Variants in CNTN5 observed in about 807,000 individuals in gnomAD.
CNTN5 encodes the protein contactin 5, also known as contactin-5.
CNTN5 carries 77 observed loss-of-function variants against 129.1 expected under a neutral mutation model. The ratio of observed to expected loss-of-function variants is 0.60; its 90% confidence interval spans 0.50 to 0.72. The LOEUF (loss-of-function observed/expected upper bound fraction) is 0.72, where lower values mean the gene tolerates loss of function less well. Among genes scored for constraint, CNTN5 ranks in the 30% least tolerant of loss-of-function variants. The pLI is 0.00. For missense variants in CNTN5, 1,478 were observed against 1,328.8 expected (o/e 1.11, Z -1.75); for synonymous variants, 509 against 465.6 (o/e 1.09, Z -1.20).
chr11:99,346,075 A>G (rs576374353), intron 2 of CNTN5, among the ~76,000 whole-genome samples: 1 of 152,316 alleles, frequency 6.6e-6, no homozygotes, highest in African/African-American at 2.4e-5. Context: ...GTTTTTGTCC[A>G]TAGGCGTAAA....
At chr11:100,284,109 C>T (rs941871806) in intron 18 of CNTN5, among the ~76,000 whole-genome samples, 1 of 152,156 alleles carries the variant, frequency 6.6e-6, no homozygotes, top group African/African-American at 2.4e-5. Flanking sequence ...ATTTTCTCTT[C>T]TGTGTTGTGG....
At chr11:99,841,257 A>G (rs945587265) in intron 4 of CNTN5, among the ~76,000 whole-genome samples, 1 of 152,180 alleles carries the variant, frequency 6.6e-6, no homozygotes, top group Non-Finnish European at 1.5e-5. Context: ...TAATAATAAA[A>G]TATATGTTCA....
Position 100,061,394 on chromosome 11 carries a change from G to C in CNTN5, c.1162+1G>C. 6.4e-7 allele frequency: 1 copy of C among 1,553,052 alleles called. No individual in the cohort carries two copies. On this transcript the variant is annotated splice_donor_variant, in intron 10 of 24. Coordinates refer to ENST00000524871, the MANE Select transcript of CNTN5 (RefSeq NM_014361.4). LOFTEE classifies it high-confidence loss of function. ...TTTCGTGGACAATTACAAGTATACAGTAAGTGTTTTCAGCAAAGCATGATT... is the reference window on the plus strand; with the variant it reads ...TTTCGTGGACAATTACAAGTATACACTAAGTGTTTTCAGCAAAGCATGATT...
At chr11:99,486,228 C>A (rs959601883) in intron 2 of CNTN5, among the ~76,000 whole-genome samples, 4 of 151,994 alleles carry the variant, frequency 2.6e-5, no homozygotes, top group African/African-American at 9.7e-5. Flanking sequence ...TTTCATAGAG[C>A]ATATCAACTT....
intron 1 of CNTN5, among the ~76,000 whole-genome samples, chr11:99,090,222 C>A (rs970132019): frequency 4.6e-5 from 7 of 151,976 alleles, no homozygotes; most frequent in Admixed American, 2.6e-4. Flanking sequence ...CATCAAGAAC[C>A]ACTTATGTTT....
At chr11:99,652,400 T>C (rs1003136390) in intron 3 of CNTN5, among the ~76,000 whole-genome samples, 1 of 152,076 alleles carries the variant, frequency 6.6e-6, no homozygotes, top group African/African-American at 2.4e-5. Flanking sequence ...ATCTTTGTCA[T>C]ATAAAGTAAC....
At chr11:99,401,389 T>C (rs1223203856) in intron 2 of CNTN5, among the ~76,000 whole-genome samples, 1 of 152,138 alleles carries the variant, frequency 6.6e-6, no homozygotes, top group Non-Finnish European at 1.5e-5. Context: ...GAATTCACTG[T>C]AGGTATGTGG....
chr11:99,562,643 C>A (rs992786416), intron 3 of CNTN5, among the ~76,000 whole-genome samples: 5 of 152,008 alleles, frequency 3.3e-5, no homozygotes, highest in African/African-American at 1.2e-4. Context: ...GAAAATAAGA[C>A]TACAGTGAAG....
chr11:99,847,629 A>G (rs921030349), intron 6 of CNTN5, among the ~76,000 whole-genome samples: 1 of 152,188 alleles, frequency 6.6e-6, no homozygotes, highest in Non-Finnish European at 1.5e-5. Flanking sequence ...CCTAGATGCC[A>G]TTATGCTTAT....
chr11:99,134,390 T>A (rs1859113486), intron 1 of CNTN5, among the ~76,000 whole-genome samples: 1 of 152,154 alleles, frequency 6.6e-6, no homozygotes. Flanking sequence ...ATTCTGCACT[T>A]GCACCCTGGA....
intron 3 of CNTN5, among the ~76,000 whole-genome samples, chr11:99,661,313 A>G (rs1049263543): frequency 6.6e-6 from 1 of 152,196 alleles, no homozygotes; most frequent in Non-Finnish European, 1.5e-5. Flanking sequence ...TCTTTGCTGC[A>G]AAGCAGTAAT....
chr11:100,104,803 ACTGTACTATTC>A (rs1475834739), intron 13 of CNTN5, among the ~76,000 whole-genome samples: 2 of 152,164 alleles, frequency 1.3e-5, no homozygotes, highest in Admixed American at 1.3e-4. Context: ...GAATATGCTT[ACTGTACTATTC>A]CCTTTTTAAC....
intron 3 of CNTN5, among the ~76,000 whole-genome samples, chr11:99,576,141 G>A (rs911986958): frequency 2.0e-5 from 3 of 152,182 alleles, no homozygotes; most frequent in Non-Finnish European, 4.4e-5. Flanking sequence ...CACAGGTTCC[G>A]AAGCACCACG....
chr11:99,870,452 C>T (rs1948474565), intron 6 of CNTN5, among the ~76,000 whole-genome samples: 1 of 152,006 alleles, frequency 6.6e-6, no homozygotes, highest in African/African-American at 2.4e-5. Context: ...ATATAAATGT[C>T]ATTTTTATGT....
At chr11:99,796,884 C>T (rs970205413) in intron 3 of CNTN5, among the ~76,000 whole-genome samples, 1 of 152,078 alleles carries the variant, frequency 6.6e-6, no homozygotes, top group African/African-American at 2.4e-5. Context: ...TCAAGTGTCT[C>T]TGGAGGTCGT....
intron 2 of CNTN5, among the ~76,000 whole-genome samples, chr11:99,498,412 T>G (rs910930776): frequency 2.0e-5 from 3 of 152,210 alleles, no homozygotes; most frequent in African/African-American, 7.2e-5. Context: ...GTTATTGTAA[T>G]TGTTTCCAAC....
At chr11:99,388,827 T>C (rs1941073786) in intron 2 of CNTN5, among the ~76,000 whole-genome samples, 1 of 152,076 alleles carries the variant, frequency 6.6e-6, no homozygotes, top group African/African-American at 2.4e-5. Context: ...CAGATTTATC[T>C]CCTAATCTGC....
chr11:100,059,534 A>T (rs964248755), intron 9 of CNTN5, among the ~76,000 whole-genome samples: 7 of 152,066 alleles, frequency 4.6e-5, no homozygotes, highest in African/African-American at 1.7e-4. Context: ...ATAATAAAAA[A>T]AACATAAGCA....
intron 3 of CNTN5, among the ~76,000 whole-genome samples, chr11:99,726,487 T>A (rs1943344323): frequency 6.6e-6 from 1 of 152,204 alleles, no homozygotes; most frequent in Non-Finnish European, 1.5e-5. Flanking sequence ...ATAGAACAAT[T>A]TGCTTGAGAA....
Sources: gnomAD v4.1 joint callset for allele counts (sites outside exome capture counted in the v4.1 genomes callset) on GRCh38, gnomAD v4.1.1 for gene constraint, MANE v1.5 for transcripts, NCBI Gene and HGNC (gene_info 2026-07-23, HGNC 2026-07-21) for gene names.